Variants in TTBK1 observed in about 807,000 individuals in gnomAD.
TTBK1 encodes tau-tubulin kinase 1.
In TTBK1, 34 loss-of-function variants were observed where a neutral mutation model predicts 108.5. That is an observed-to-expected ratio of 0.31 (90% CI 0.24 to 0.42). The LOEUF (loss-of-function observed/expected upper bound fraction) is 0.42, where lower values mean the gene tolerates loss of function less well. Among genes scored for constraint, TTBK1 ranks in the 10% least tolerant of loss-of-function variants. The pLI, the probability that TTBK1 is intolerant of heterozygous loss-of-function variation, is 1.00. For synonymous variants in TTBK1, 809 were observed against 795.1 expected, an observed-to-expected ratio of 1.02 and a Z score of -0.29; for missense variants, 1,539 against 1,826.0, an observed-to-expected ratio of 0.84 and a Z score of 2.86.
In TTBK1 at chr6:43,269,830, G is replaced by C; in HGVS notation, c.1986+6480G>C. The C allele has an allele frequency of 6.5e-7, 1 of 1,537,202 alleles. No homozygotes were observed. Among genetic ancestry groups the C allele is most frequent in the Non-Finnish European group, 8.7e-7 (1 of 1,147,038 alleles). On this transcript the variant is annotated intron_variant, in intron 13 of 14. Transcript: ENST00000259750. This position sits in a 1 kb window ranked among gnomAD's most constrained non-coding sequence, Gnocchi z 4.8. ...CGCTCGGCTGAGAGCAGCCCTGTGC[G>C]GGCGCCCCACCGGCGCCACGCGCCC... is the stretch of plus-strand genomic sequence containing the variant.
At position 43,284,175 on chromosome 6, in the gene TTBK1, G is replaced by A. The variant is rs1476297237; in HGVS notation, c.3435G>A (p.Lys1145=). The A allele has an allele frequency of 3.6e-5, 57 of 1,561,996 alleles. No homozygotes were observed. Among genetic ancestry groups the A allele is most frequent in the Non-Finnish European group, 4.5e-5 (52 of 1,161,544 alleles). The change falls in exon 14 of 15, where the codon AAG becomes AAA. Residue 1145 remains lysine, a synonymous_variant. Transcript: ENST00000259750. ...AGCCGGCAGCGGCCTTGCCCAGGAA[G>A]AGCGGGAGGGCAGCCGCCACCAGGA... ...ASEPAAALPR[K]SGRAAATRSR...
At chr6:43,244,460 T>C (rs1777036262) in intron 1 of TTBK1, among the ~76,000 whole-genome samples, 1 of 152,124 alleles carries the variant, frequency 6.6e-6, no homozygotes, top group Non-Finnish European at 1.5e-5. Context: ...TCATACAAAC[T>C]CCTGCATAAG....
Position 43,285,464 on chromosome 6 carries a change from T to C in TTBK1, c.*88T>C, listed in dbSNP as rs1582530581. 1 of 1,206,772 alleles carries C rather than the reference T, an allele frequency of 8.3e-7. No individual in the cohort carries two copies. Among genetic ancestry groups the C allele is most frequent in the Non-Finnish European group, 1.0e-6 (1 of 976,650 alleles). The allele number at this position is 1,206,772 out of a possible 1,614,324, so 74.8% of individuals were successfully genotyped here. ...CACTGGAGCAGCTCCCAGCACAGCCTTACGCGCCCGACGCGCGCCACCCGC... is the reference window on the plus strand; with the variant it reads ...CACTGGAGCAGCTCCCAGCACAGCCCTACGCGCCCGACGCGCGCCACCCGC... On this transcript the variant is annotated 3_prime_UTR_variant, in exon 15 of 15. Coordinates refer to ENST00000259750, the MANE Select transcript of TTBK1 (RefSeq NM_032538.3). This position sits in a 1 kb window ranked among gnomAD's most constrained non-coding sequence, Gnocchi z 4.7.
chr6:43,273,704 A>G lies in TTBK1; in HGVS notation c.1987-9023A>G, dbSNP rs1046743845. On this transcript the variant is annotated intron_variant, in intron 13 of 14. Coordinates refer to ENST00000259750, the MANE Select transcript of TTBK1 (RefSeq NM_032538.3). The surrounding 1 kb of genome is among the most constrained non-coding windows in gnomAD (Gnocchi z 4.2). ...ACAGGGGAACTCCCATGCCCATACCATCCTCAGCTCAACCAATTGTTGCCA... is the reference window on the plus strand; with the variant it reads ...ACAGGGGAACTCCCATGCCCATACCGTCCTCAGCTCAACCAATTGTTGCCA... Among the ~76,000 whole-genome samples, 4 of 152,226 alleles carry G rather than the reference A, an allele frequency of 2.6e-5. No individual in the cohort carries two copies. Among genetic ancestry groups the G allele is most frequent in the Non-Finnish European group, 5.9e-5 (4 of 68,034 alleles).
At position 43,286,308 on chromosome 6, in the gene TTBK1, A is replaced by T. The variant is rs1778381540; in HGVS notation, c.*932A>T. ...CTAGTGCTCAGGACCCTTCACCATC[A>T]GGAATTCCTTCCTGTCATCTAACCT... On this transcript the variant is annotated 3_prime_UTR_variant, in exon 15 of 15. Transcript: ENST00000259750. This position sits in a 1 kb window ranked among gnomAD's most constrained non-coding sequence, Gnocchi z 4.6. 1 of 152,680 alleles carries T rather than the reference A, an allele frequency of 6.5e-6. No homozygotes were observed. Among genetic ancestry groups the T allele is most frequent in the Non-Finnish European group, 1.5e-5 (1 of 68,084 alleles). 9.5% of individuals were successfully genotyped at this position (152,680 alleles called of 1,614,324 possible).
In TTBK1 at chr6:43,285,617, G is replaced by C; in HGVS notation, c.*241G>C. 2.8e-6 allele frequency: 1 copy of C among 361,512 alleles called. No homozygotes were observed. Among genetic ancestry groups the C allele is most frequent in the Non-Finnish European group, 4.7e-6 (1 of 213,380 alleles). 22.4% of individuals were successfully genotyped at this position (361,512 alleles called of 1,614,324 possible). A position where few individuals can be genotyped will look rare whatever the true frequency, so the allele number is the denominator to read the frequency against. ...GGGTCTGCCTCCCCTTCCTCGCCCT[G>C]TGTCCTCTCATCCTCCCGCCGCCCG... is the stretch of plus-strand genomic sequence containing the variant. On this transcript the variant is annotated 3_prime_UTR_variant, in exon 15 of 15. Transcript: ENST00000259750. This position sits in a 1 kb window ranked among gnomAD's most constrained non-coding sequence, Gnocchi z 4.7.
At chr6:43,254,396 A>T (rs1777328178) in intron 5 of TTBK1, 151 bp from the exon 6 acceptor site, 5 of 545,818 alleles carry the variant, frequency 9.2e-6, no homozygotes, top group South Asian at 2.7e-5. Context: ...CTGTGACCTG[A>T]TGCACACATG....
At chr6:43,255,671 G>T in intron 8 of TTBK1, 27 bp downstream of exon 8, 1 of 1,614,170 alleles carries the variant, frequency 6.2e-7, no homozygotes, top group Non-Finnish European at 8.5e-7. Context: ...TGGGTCTGAG[G>T]TGGCAGAAGG....
intron 2 of TTBK1, among the ~76,000 whole-genome samples, chr6:43,250,368 T>C (rs1300279539): frequency 7.8e-6 from 1 of 128,882 alleles, no homozygotes; most frequent in Non-Finnish European, 1.7e-5. Flanking sequence ...TTTTTTTTTT[T>C]TTTTTAAGAC....
chr6:43,246,696 C>A lies in TTBK1; in HGVS notation c.36C>A (p.Thr12=). ...QCLAAALKDE[T]NMSGGGEQAD... is the part of the protein sequence containing the mutation. ...TAGCGGCCGCCCTTAAGGACGAAACCAACATGAGTGGGGGAGGGGAGCAGG... is the reference window on the plus strand; with the variant it reads ...TAGCGGCCGCCCTTAAGGACGAAACAAACATGAGTGGGGGAGGGGAGCAGG... Residue 12 remains threonine (T), a synonymous_variant, in exon 2 of 15, where the codon ACC becomes ACA. Coordinates refer to ENST00000259750, the MANE Select transcript of TTBK1 (RefSeq NM_032538.3). 2 of 1,612,042 alleles carry A rather than the reference C, an allele frequency of 1.2e-6. No individual in the cohort carries two copies. The highest frequency in any genetic ancestry group is 1.7e-6 in the Non-Finnish European group (2 of 1,179,142).
In TTBK1 at chr6:43,269,805, C is replaced by T. The variant is rs1247857005; in HGVS notation, c.1986+6455C>T. On this transcript the variant is annotated intron_variant, in intron 13 of 14. Coordinates refer to ENST00000259750, the MANE Select transcript of TTBK1 (RefSeq NM_032538.3). The surrounding 1 kb of genome is among the most constrained non-coding windows in gnomAD (Gnocchi z 4.8). ...CTCCGGTTCCCTCATTCAGCGCAGC[C>T]GCTCGGCTGAGAGCAGCCCTGTGCG... is the stretch of plus-strand genomic sequence containing the variant. 6.4e-7 allele frequency: 1 copy of T among 1,551,222 alleles called. No homozygotes were observed. Among genetic ancestry groups the T allele is most frequent in the Admixed American group, 1.9e-5 (1 of 52,438 alleles).
At chr6:43,278,600 G>A (rs1442541209) in intron 13 of TTBK1, among the ~76,000 whole-genome samples, 1 of 152,168 alleles carries the variant, frequency 6.6e-6, no homozygotes, top group Non-Finnish European at 1.5e-5. Context: ...AAGCAGATTA[G>A]AATCATAAAG....
chr6:43,252,905 G>C lies in TTBK1; in HGVS notation c.256+19G>C. On this transcript the variant is annotated intron_variant, in intron 3 of 14. Coordinates refer to ENST00000259750, the MANE Select transcript of TTBK1 (RefSeq NM_032538.3). ...TTGCAAGGTTCGGGCCTCGGGCAGG[G>C]GGATGGGAAGGAAGAGATGATGAAG... 6.2e-7 allele frequency: 1 copy of C among 1,612,194 alleles called. No homozygotes were observed. The highest frequency in any genetic ancestry group is 8.5e-7 in the Non-Finnish European group (1 of 1,179,742).
In TTBK1 at chr6:43,259,592, C is replaced by A. The variant is rs1467914489; in HGVS notation, c.1310C>A (p.Ala437Asp). ...GGGGTCCCCAGCTCCCCAGTGCGTG[C>A]CCCCCCAGACTCCCCCACAACCCCA... ...GMGVPSSPVR[A>D]PPDSPTTPVR... Residue 437 changes from alanine to aspartate, a missense_variant, in exon 12 of 15, where the codon GCC becomes GAC. By Grantham distance (126) the Ala-to-Asp change is moderately radical (BLOSUM62 -2). Transcript: ENST00000259750. This position sits in a 1 kb window ranked among gnomAD's most constrained non-coding sequence, Gnocchi z 6.7. The A allele has an allele frequency of 1.2e-5, 20 of 1,606,508 alleles. No individual in the cohort carries two copies. Among genetic ancestry groups the A allele is most frequent in the Non-Finnish European group, 1.6e-5 (19 of 1,176,352 alleles).
rs1432262174 is a variant in TTBK1, at chr6:43,276,538, G to A, written c.1987-6189G>A. The stretch of plus-strand genomic sequence containing the variant: ...ACACGGCCGCGCACGGGCGGGGAGG[G>A]GGCGCCCCGCCGTCACGCGTCGCTG... On this transcript the variant is annotated intron_variant, in intron 13 of 14. Coordinates refer to ENST00000259750, the MANE Select transcript of TTBK1 (RefSeq NM_032538.3). The surrounding 1 kb of genome is among the most constrained non-coding windows in gnomAD (Gnocchi z 5.4). Among the ~76,000 whole-genome samples, 1 of 152,226 alleles carries A rather than the reference G, an allele frequency of 6.6e-6. No homozygotes were observed. The highest frequency in any genetic ancestry group is 1.9e-4 in the East Asian group (1 of 5,192).
intron 13 of TTBK1, chr6:43,271,847 T>C: frequency 1.0e-6 from 1 of 985,116 alleles, no homozygotes; most frequent in Non-Finnish European, 1.2e-6. Context: ...AAAAGCCAGA[T>C]TTGGGTTCTA....
At chr6:43,260,179 G>C (rs921399179) in intron 12 of TTBK1, among the ~76,000 whole-genome samples, 10 of 152,194 alleles carry the variant, frequency 6.6e-5, no homozygotes, top group Non-Finnish European at 1.5e-4. Context: ...GAGGGGAGGG[G>C]ACCAGCGGGA....
intron 13 of TTBK1, among the ~76,000 whole-genome samples, chr6:43,279,066 A>C (rs1241176141): frequency 6.6e-6 from 1 of 152,120 alleles, no homozygotes; most frequent in Admixed American, 6.5e-5. Flanking sequence ...CATAACCTGG[A>C]CCAATGCCCA....
Position 43,243,732 on chromosome 6 carries a change from G to A in TTBK1, c.-55+24G>A, listed in dbSNP as rs1038475092. On this transcript the variant is annotated intron_variant, in intron 1 of 14. Transcript: ENST00000259750. The surrounding 1 kb of genome is among the most constrained non-coding windows in gnomAD (Gnocchi z 5.5). Reference sequence around the variant, plus strand: ...AGGTGAGGCGGGGCGGGGCGGGCCGGGGTCGGGGCGGGGGCTCCTTCGTGG... The same window carrying A: ...AGGTGAGGCGGGGCGGGGCGGGCCGAGGTCGGGGCGGGGGCTCCTTCGTGG... 2 of 151,108 alleles carry A rather than the reference G, an allele frequency of 1.3e-5. No individual in the cohort carries two copies. Among genetic ancestry groups the A allele is most frequent in the African/African-American group, 4.8e-5 (2 of 41,344 alleles). 9.4% of individuals were successfully genotyped at this position (151,108 alleles called of 1,614,324 possible).
Sources: gnomAD v4.1 joint callset for allele counts (sites outside exome capture counted in the v4.1 genomes callset) on GRCh38, gnomAD v4.1.1 for gene constraint, Gnocchi (gnomAD v3.1) non-coding constraint, MANE v1.5 for transcripts, NCBI Gene and HGNC (gene_info 2026-07-23, HGNC 2026-07-21) for gene names.